The following FGGY variants were observed in gnomAD, a reference collection of about 807,000 sequenced individuals.
The protein encoded by FGGY is FGGY carbohydrate kinase domain-containing protein.
Under a neutral mutation model 71.3 loss-of-function variants are expected in FGGY, and 72 were observed. That is an observed-to-expected ratio of 1.01 (90% CI 0.84 to 1.23). FGGY has a LOEUF of 1.23. FGGY is among the 50% of genes most tolerant of loss of function. FGGY has a pLI of 0.00. For missense variants in FGGY, 668 were observed against 682.3 expected (o/e 0.98, Z 0.23); for synonymous variants, 251 against 250.3 (o/e 1.00, Z -0.02).
intron 1 of FGGY, among the ~76,000 whole-genome samples, chr1:59,311,288 G>A (rs944549058): frequency 2.7e-5 from 4 of 150,542 alleles, no homozygotes; most frequent in African/African-American, 9.8e-5. Flanking sequence ...TTTACTGTAA[G>A]TTCCAGGATA....
rs184497210 is a variant in FGGY, at chr1:59,349,958, A to G, written c.465+3560A>G. On this transcript the variant is annotated intron_variant, in intron 4 of 15. Transcript: ENST00000303721. ...ATATTAGTGGCCTGGGAACTTGTGA[A>G]ACCACTTTTAATTCCAAAAGCTCTG... 2.8e-3 allele frequency among the ~76,000 whole-genome samples: 422 copies of G among 152,274 alleles called. 4 individuals carry two copies. The highest frequency in any genetic ancestry group is 9.3e-3 in the African/African-American group (385 of 41,558).
At chr1:59,563,079 AC>A (rs771176214) in intron 8 of FGGY, among the ~76,000 whole-genome samples, 13 of 152,044 alleles carry the variant, frequency 8.6e-5, no homozygotes, top group Non-Finnish European at 1.8e-4. Flanking sequence ...TTATTTGAAT[AC>A]CCTTTATTTC....
In FGGY at chr1:59,448,020, T is replaced by A. The variant is rs201673707; in HGVS notation, c.555-8941T>A. Among the ~76,000 whole-genome samples the A allele has an allele frequency of 3.3e-5, 5 of 151,844 alleles. No individual in the cohort carries two copies. In the East Asian group the frequency reaches 9.7e-4, roughly 29 times the overall value. On this transcript the variant is annotated intron_variant, in intron 5 of 15. Coordinates refer to ENST00000303721, the MANE Select transcript of FGGY (RefSeq NM_018291.5). ...TCATTTTTATCCTCACTTTCAGGGGTGGTGAGCACCACCACCTCCTGAACT... is the reference window on the plus strand; with the variant it reads ...TCATTTTTATCCTCACTTTCAGGGGAGGTGAGCACCACCACCTCCTGAACT...
chr1:59,653,206 G>A (rs1271989571), intron 11 of FGGY, among the ~76,000 whole-genome samples: 1 of 152,224 alleles, frequency 6.6e-6, no homozygotes, highest in Non-Finnish European at 1.5e-5. Context: ...CTGTCTTTTT[G>A]TTTGTCTGTG....
At chr1:59,446,560 T>A (rs1226642945) in intron 5 of FGGY, among the ~76,000 whole-genome samples, 1 of 152,184 alleles carries the variant, frequency 6.6e-6, no homozygotes, top group Admixed American at 6.5e-5. Context: ...TAAGGCCTTC[T>A]TGGTCTCTTT....
At chr1:59,523,052 T>C (rs1033107455) in intron 7 of FGGY, among the ~76,000 whole-genome samples, 4 of 152,222 alleles carry the variant, frequency 2.6e-5, no homozygotes, top group African/African-American at 4.8e-5. Flanking sequence ...GCTGAGCTGT[T>C]ATTTTCCTTT....
chr1:59,746,498 C>G (rs1159866849), intron 14 of FGGY, among the ~76,000 whole-genome samples: 1 of 151,876 alleles, frequency 6.6e-6, no homozygotes, highest in Non-Finnish European at 1.5e-5. Flanking sequence ...TAAAACTTCC[C>G]TTTTTTTGAG....
chr1:59,583,954 T>C (rs1297159742), intron 8 of FGGY, among the ~76,000 whole-genome samples: 1 of 115,678 alleles, frequency 8.6e-6, no homozygotes, highest in Non-Finnish European at 1.8e-5. Flanking sequence ...TCACCACTTA[T>C]GTGTTGGCTT....
intron 6 of FGGY, among the ~76,000 whole-genome samples, chr1:59,471,696 T>G (rs187022807): frequency 7.5e-4 from 115 of 152,354 alleles, no homozygotes; most frequent in Admixed American, 1.9e-3. Context: ...AAGTGTCTCC[T>G]GTGTGCCAGG....
chr1:59,543,126 C>T (rs1553276660), intron 7 of FGGY, among the ~76,000 whole-genome samples: 1 of 152,200 alleles, frequency 6.6e-6, no homozygotes, highest in Non-Finnish European at 1.5e-5. Flanking sequence ...ATCTTCTACA[C>T]TATTTATCTA....
In FGGY at chr1:59,372,069, T is replaced by C. The variant is rs555596500; in HGVS notation, c.466-6680T>C. On this transcript the variant is annotated intron_variant, in intron 4 of 15. Transcript: ENST00000303721. ...GAAATAACTAAGATCAGAGCAGAAC[T>C]GAAGGCGATAAATCGAGACACAAAA... is the stretch of plus-strand genomic sequence containing the variant. Among the ~76,000 whole-genome samples the C allele has an allele frequency of 5.8e-4, 89 of 152,146 alleles. 1 individual carries two copies. Among genetic ancestry groups the C allele is most frequent in the Admixed American group, 5.8e-3 (88 of 15,290 alleles).
intron 1 of FGGY, among the ~76,000 whole-genome samples, chr1:59,303,691 T>C (rs929335801): frequency 1.3e-5 from 2 of 152,160 alleles, no homozygotes; most frequent in Non-Finnish European, 2.9e-5. Flanking sequence ...TTTGCCATAA[T>C]GCTGTACCAA....
At chr1:59,677,338 C>T (rs544102487) in intron 14 of FGGY, among the ~76,000 whole-genome samples, 1 of 152,330 alleles carries the variant, frequency 6.6e-6, no homozygotes, top group Admixed American at 6.5e-5. Flanking sequence ...GCAATTCCTG[C>T]CAGCACCTCA....
intron 7 of FGGY, among the ~76,000 whole-genome samples, chr1:59,547,537 A>G (rs2095545713): frequency 6.6e-6 from 1 of 152,168 alleles, no homozygotes; most frequent in Non-Finnish European, 1.5e-5. Flanking sequence ...ACCTTGTAGA[A>G]GTTGCTTGGA....
At chr1:59,572,783 A>G (rs1283055037) in intron 8 of FGGY, among the ~76,000 whole-genome samples, 2 of 152,188 alleles carry the variant, frequency 1.3e-5, no homozygotes, top group African/African-American at 2.4e-5. Context: ...ATCTCACCCA[A>G]ACTCCTAAGA....
At chr1:59,619,777 C>A (rs2096790630) in intron 9 of FGGY, among the ~76,000 whole-genome samples, 1 of 151,970 alleles carries the variant, frequency 6.6e-6, no homozygotes, top group South Asian at 2.1e-4. Flanking sequence ...TTCAAAGAAT[C>A]ATTCTTACTG....
chr1:59,622,961 C>T (rs2096824329), intron 9 of FGGY, among the ~76,000 whole-genome samples: 2 of 152,126 alleles, frequency 1.3e-5, no homozygotes, highest in Admixed American at 1.3e-4. Flanking sequence ...AAATGTGTCT[C>T]ATCATTCATT....
chr1:59,426,496 C>T (rs766780220), intron 5 of FGGY, among the ~76,000 whole-genome samples: 2 of 152,114 alleles, frequency 1.3e-5, no homozygotes, highest in Non-Finnish European at 2.9e-5. Flanking sequence ...TAATTCAGGA[C>T]TGAAAAATAA....
At chr1:59,563,822 G>A (rs190014908) in intron 8 of FGGY, among the ~76,000 whole-genome samples, 105 of 152,256 alleles carry the variant, frequency 6.9e-4, no homozygotes, top group African/African-American at 2.5e-3. Context: ...AAAACAGTAT[G>A]GTACTGGTAC....
Sources: gnomAD v4.1 joint callset for allele counts (sites outside exome capture counted in the v4.1 genomes callset) on GRCh38, gnomAD v4.1.1 for gene constraint, MANE v1.5 for transcripts, NCBI Gene and HGNC (gene_info 2026-07-23, HGNC 2026-07-21) for gene names.